PLD5: variants seen among roughly 807,000 people sequenced by gnomAD.
PLD5 encodes the protein phospholipase D family member 5.
In PLD5, 36 loss-of-function variants were observed where a neutral mutation model predicts 61.1. The ratio of observed to expected loss-of-function variants is 0.59; its 90% confidence interval spans 0.45 to 0.78. PLD5 has a LOEUF of 0.78. PLD5 is among the 30% of genes least tolerant of loss of function. The pLI, the probability that PLD5 is intolerant of heterozygous loss-of-function variation, is 0.00. For missense variants in PLD5, 515 were observed against 644.4 expected (o/e 0.80, Z 2.17); for synonymous variants, 243 against 242.8 (o/e 1.00, Z -0.01).
intron 5 of PLD5, among the ~76,000 whole-genome samples, chr1:242,137,481 TA>T (rs1360106414): frequency 6.6e-5 from 10 of 152,290 alleles, no homozygotes; most frequent in African/African-American, 2.2e-4. Flanking sequence ...AATATTGTCT[TA>T]AAAAACAGCC....
intron 5 of PLD5, among the ~76,000 whole-genome samples, chr1:242,159,538 A>G (rs749981660): frequency 1.3e-5 from 2 of 152,054 alleles, no homozygotes; most frequent in African/African-American, 2.4e-5. Context: ...CACTGTGTTT[A>G]TGGTTCTCCG....
At chr1:242,499,589 T>C (rs1668486071) in intron 1 of PLD5, among the ~76,000 whole-genome samples, 1 of 152,218 alleles carries the variant, frequency 6.6e-6, no homozygotes, top group Admixed American at 6.5e-5. Flanking sequence ...TGTCTTGTTT[T>C]TTCACTTTTT....
At position 242,123,458 on chromosome 1, in the gene PLD5, T is replaced by A. The variant is rs72761234; in HGVS notation, c.933+1010A>T. The stretch of plus-strand genomic sequence containing the variant: ...CGGGACCCCTGTGGACAGGAGGACA[T>A]CCCATCGCAGAGCACACTCACACAC... On this transcript the variant is annotated intron_variant, in intron 6 of 9. Transcript: ENST00000536534. 9.4e-3 allele frequency among the ~76,000 whole-genome samples: 1,437 copies of A among 152,182 alleles called. 15 individuals are homozygous for A. Among genetic ancestry groups the A allele is most frequent in the Non-Finnish European group, 0.015 (1,044 of 68,008 alleles).
intron 1 of PLD5, among the ~76,000 whole-genome samples, chr1:242,522,660 C>T (rs1367727419): frequency 6.6e-6 from 1 of 152,232 alleles, no homozygotes; most frequent in Non-Finnish European, 1.5e-5. Context: ...TGATTACATG[C>T]TCTTTGCATG....
At chr1:242,255,457 T>C (rs530448636) in intron 4 of PLD5, among the ~76,000 whole-genome samples, 2 of 152,342 alleles carry the variant, frequency 1.3e-5, no homozygotes, top group Admixed American at 1.3e-4. Flanking sequence ...AGTTGGAAAC[T>C]AGGGCAGCTT....
intron 2 of PLD5, among the ~76,000 whole-genome samples, chr1:242,327,643 C>T (rs924644282): frequency 3.9e-5 from 6 of 152,216 alleles, no homozygotes; most frequent in Admixed American, 2.6e-4. Context: ...AAAGGCCATC[C>T]TAAAAAAACA....
At chr1:242,365,695 A>G in intron 1 of PLD5, 1 of 202,358 alleles carries the variant, frequency 4.9e-6, no homozygotes, top group Non-Finnish European at 9.8e-6. Flanking sequence ...TGTAAATGTT[A>G]CAGACAATAA....
At chr1:242,310,631 A>T (rs1190586436) in intron 2 of PLD5, among the ~76,000 whole-genome samples, 4 of 152,262 alleles carry the variant, frequency 2.6e-5, no homozygotes, top group Non-Finnish European at 5.9e-5. Context: ...TAAAAGTAAT[A>T]ACAAAAATCA....
At chr1:242,463,121 G>A (rs1468471903) in intron 1 of PLD5, among the ~76,000 whole-genome samples, 3 of 151,988 alleles carry the variant, frequency 2.0e-5, no homozygotes, top group Non-Finnish European at 2.9e-5. Flanking sequence ...TCTTTTCCTC[G>A]CACTGTCTGT....
At chr1:242,297,260 C>T (rs1272333376) in intron 2 of PLD5, among the ~76,000 whole-genome samples, 1 of 143,708 alleles carries the variant, frequency 7.0e-6, no homozygotes, top group Non-Finnish European at 1.5e-5. Context: ...AGGAAAATTG[C>T]TTGAACTCTG....
rs138129310 is a variant in PLD5 at position 242,290,638 on chromosome 1, G to A, written c.327-2108C>T. ...AAGATAAGTCAGTAGAGAGTAAAGC[G>A]CTGCAATAGACCAGGGGAAAAAAAG... On this transcript the variant is annotated intron_variant, in intron 2 of 9. Transcript: ENST00000536534. Among the ~76,000 whole-genome samples the A allele has an allele frequency of 1.9e-3, 296 of 152,116 alleles. 1 individual carries two copies. The highest frequency in any genetic ancestry group is 6.4e-3 in the African/African-American group (266 of 41,496).
Position 242,099,425 on chromosome 1 carries a change from C to A in PLD5, c.1354+1243G>T, listed in dbSNP as rs940846389. Among the ~76,000 whole-genome samples, 4 of 152,152 alleles carry A rather than the reference C, an allele frequency of 2.6e-5. No individual in the cohort carries two copies. The East Asian group carries it at 5.8e-4, about 22-fold the overall frequency. ...TTACCGTGTGAACCACTGCACCCAGCCAGATATATATCTTTAAAATATTCC... is the reference window on the plus strand; with the variant it reads ...TTACCGTGTGAACCACTGCACCCAGACAGATATATATCTTTAAAATATTCC... On this transcript the variant is annotated intron_variant, in intron 9 of 9. Coordinates refer to ENST00000536534, the MANE Select transcript of PLD5 (RefSeq NM_001372062.1).
intron 2 of PLD5, among the ~76,000 whole-genome samples, chr1:242,346,132 C>T (rs2149217823): frequency 7.0e-6 from 1 of 142,888 alleles, no homozygotes; most frequent in African/African-American, 2.6e-5. Flanking sequence ...TGCCTAGTAG[C>T]TAGAATAATA....
intron 4 of PLD5, among the ~76,000 whole-genome samples, chr1:242,263,704 T>C (rs1673498569): frequency 6.6e-6 from 1 of 152,232 alleles, no homozygotes; most frequent in Non-Finnish European, 1.5e-5. Flanking sequence ...GTTGTAGTAG[T>C]ATCTACATAT....
At chr1:242,387,618 GTATTTTATC>G (rs1662669525) in intron 1 of PLD5, among the ~76,000 whole-genome samples, 1 of 144,416 alleles carries the variant, frequency 6.9e-6, no homozygotes, top group African/African-American at 2.6e-5. Context: ...TATATATTTT[GTATTTTATC>G]TATTTTATAT....
chr1:242,286,545 C>T (rs1675036424), intron 3 of PLD5, among the ~76,000 whole-genome samples: 1 of 151,650 alleles, frequency 6.6e-6, no homozygotes, highest in Non-Finnish European at 1.5e-5. Context: ...GATCCTATCT[C>T]CCACTGGTTT....
Position 242,090,128 on chromosome 1 carries a change from A to C in PLD5, c.1355-18T>G. On this transcript the variant is annotated intron_variant, in intron 9 of 9. Coordinates refer to ENST00000536534, the MANE Select transcript of PLD5 (RefSeq NM_001372062.1). ...AAAATTTCCTGCAAACAAACAAAGA[A>C]ATAATGTTGAGGAGTTAGAGTCCAC... 6.2e-7 allele frequency: 1 copy of C among 1,613,300 alleles called. No individual in the cohort carries two copies. The highest frequency in any genetic ancestry group is 8.5e-7 in the Non-Finnish European group (1 of 1,179,298).
At chr1:242,337,058 C>T (rs966959794) in intron 2 of PLD5, among the ~76,000 whole-genome samples, 1 of 151,816 alleles carries the variant, frequency 6.6e-6, no homozygotes, top group African/African-American at 2.4e-5. Context: ...AGATGCAAAT[C>T]AGGTCTCCTG....
intron 1 of PLD5, among the ~76,000 whole-genome samples, chr1:242,396,205 T>G (rs1663564601): frequency 6.6e-6 from 1 of 152,132 alleles, no homozygotes; most frequent in South Asian, 2.1e-4. Context: ...CTATTCATAT[T>G]TTGAGCCCAA....
Sources: gnomAD v4.1 joint callset for allele counts (sites outside exome capture counted in the v4.1 genomes callset) on GRCh38, gnomAD v4.1.1 for gene constraint, MANE v1.5 for transcripts, NCBI Gene and HGNC (gene_info 2026-07-23, HGNC 2026-07-21) for gene names.